The following MAP2K5 variants were observed in gnomAD, a reference collection of about 807,000 sequenced individuals.
MAP2K5 encodes the protein mitogen-activated protein kinase kinase 5.
Under a neutral mutation model 83.1 loss-of-function variants are expected in MAP2K5, and 49 were observed. The ratio of observed to expected loss-of-function variants is 0.59; its 90% CI spans 0.47 to 0.75. The LOEUF is 0.75. Among genes scored for constraint, MAP2K5 ranks in the 30% least tolerant of loss-of-function variants. The pLI is 0.00. For missense variants in MAP2K5, 457 were observed against 557.5 expected, an observed-to-expected ratio of 0.82 and a Z score of 1.82; for synonymous variants, 202 against 191.8, an observed-to-expected ratio of 1.05 and a Z score of -0.44.
chr15:67,672,281 A>T (rs1409799087), intron 13 of MAP2K5, among the ~76,000 whole-genome samples: 3 of 151,652 alleles, frequency 2.0e-5, no homozygotes, highest in Non-Finnish European at 4.4e-5. Context: ...TCCCACCAAC[A>T]GTGTAAAAGT....
intron 16 of MAP2K5, among the ~76,000 whole-genome samples, chr15:67,727,321 C>A (rs2089119703): frequency 6.6e-6 from 1 of 152,210 alleles, no homozygotes; most frequent in African/African-American, 2.4e-5. Flanking sequence ...GAGCAGTTTA[C>A]AAATCAAGTT....
chr15:67,603,373 C>T (rs1013758835), intron 8 of MAP2K5, among the ~76,000 whole-genome samples: 11 of 152,176 alleles, frequency 7.2e-5, no homozygotes, highest in Non-Finnish European at 1.2e-4. Flanking sequence ...CTGTGTGTAA[C>T]GTTAGGAATT....
chr15:67,696,751 GCAGATCAC>G (rs1192512227), intron 15 of MAP2K5, among the ~76,000 whole-genome samples: 2 of 152,224 alleles, frequency 1.3e-5, no homozygotes, highest in Non-Finnish European at 2.9e-5. Flanking sequence ...GCCAAGGCAG[GCAGATCAC>G]CTGAGGTCAG....
At chr15:67,711,665 G>A (rs573247096) in intron 16 of MAP2K5, among the ~76,000 whole-genome samples, 18 of 62,678 alleles carry the variant, frequency 2.9e-4, no homozygotes, top group Admixed American at 1.7e-3. Flanking sequence ...ACACACAGGC[G>A]TGCACGCACA....
chr15:67,731,754 A>G (rs2089228664), intron 17 of MAP2K5, among the ~76,000 whole-genome samples: 2 of 152,194 alleles, frequency 1.3e-5, no homozygotes, highest in South Asian at 4.1e-4. Context: ...TAGGACTTGC[A>G]GACAAATAAG....
chr15:67,746,645 C>T lies in MAP2K5; in HGVS notation c.1075-1586C>T. Among the ~76,000 whole-genome samples the T allele has an allele frequency of 6.6e-6, 1 of 152,092 alleles. No homozygotes were observed. The highest frequency in any genetic ancestry group is 1.9e-4 in the East Asian group (1 of 5,190). The stretch of plus-strand genomic sequence containing the variant: ...CTGCAGAATCTTGTCTGGAAATACT[C>T]ATGGACTGGAGAAACCAGAAGAAGC... On this transcript the variant is annotated intron_variant, in intron 17 of 21. Coordinates refer to ENST00000178640, the MANE Select transcript of MAP2K5 (RefSeq NM_145160.3). The surrounding 1 kb of genome is among the most constrained non-coding windows in gnomAD (Gnocchi z 4.1).
At chr15:67,646,143 C>T (rs2086826789) in intron 9 of MAP2K5, 88 bp from the exon 10 acceptor site, 3 of 589,196 alleles carry the variant, frequency 5.1e-6, no homozygotes, top group Non-Finnish European at 8.9e-6. Flanking sequence ...AATAAAGGAA[C>T]TACCATGTTT....
chr15:67,786,518 T>C lies in MAP2K5; in HGVS notation c.1242+13766T>C, dbSNP rs906209783. ...CTCAGGAGCAGACTAGACATGCCCA[T>C]TGGCAACATTTAGAGAAGGTAGATG... On this transcript the variant is annotated intron_variant, in intron 21 of 21. Transcript: ENST00000178640. The surrounding 1 kb of genome is among the most constrained non-coding windows in gnomAD (Gnocchi z 4.7). 1.3e-5 allele frequency among the ~76,000 whole-genome samples: 2 copies of C among 152,236 alleles called. No homozygotes were observed. The highest frequency in any genetic ancestry group is 1.3e-4 in the Admixed American group (2 of 15,284).
At position 67,736,326 on chromosome 15, in the gene MAP2K5, A is replaced by G. The variant is rs1310252878; in HGVS notation, c.1074+8381A>G. Among the ~76,000 whole-genome samples, 1 of 152,214 alleles carries G rather than the reference A, an allele frequency of 6.6e-6. No individual in the cohort carries two copies. Among genetic ancestry groups the G allele is most frequent in the African/African-American group, 2.4e-5 (1 of 41,450 alleles). On this transcript the variant is annotated intron_variant, in intron 17 of 21. Coordinates refer to ENST00000178640, the MANE Select transcript of MAP2K5 (RefSeq NM_145160.3). This position sits in a 1 kb window ranked among gnomAD's most constrained non-coding sequence, Gnocchi z 4.3. ...ACATGCCCCTGAGGGGTTCCCTGCC[A>G]CCCTTTATGAATTTGGCTTGGTATA...
At position 67,658,126 on chromosome 15, in the gene MAP2K5, TGCA is replaced by T. The variant is rs1280779741; in HGVS notation, c.737-426_737-424del. Among the ~76,000 whole-genome samples the T allele has an allele frequency of 2.0e-5, 3 of 152,286 alleles. No individual in the cohort carries two copies. The East Asian group carries it at 5.8e-4, about 29-fold the overall frequency. ...ATTAATGAGCAACGTAGTGGTTCTC[TGCA>T]TATATTCCAGCTTTTGTTGGATTAA... On this transcript the variant is annotated intron_variant, in intron 11 of 21. Coordinates refer to ENST00000178640, the MANE Select transcript of MAP2K5 (RefSeq NM_145160.3).
chr15:67,597,042 G>A (rs1245170470), intron 7 of MAP2K5, among the ~76,000 whole-genome samples: 1 of 151,884 alleles, frequency 6.6e-6, no homozygotes, highest in Non-Finnish European at 1.5e-5. Flanking sequence ...GGTGGTGGGC[G>A]CCTGTAGTCC....
chr15:67,757,402 C>T lies in MAP2K5; in HGVS notation c.1134+8801C>T, dbSNP rs537079833. ...CCCTTTATGTTGCTCAAAAACCCAA[C>T]CTATAAAATAGATGAACATGAAGCT... On this transcript the variant is annotated intron_variant, in intron 19 of 21. Transcript: ENST00000178640. This position sits in a 1 kb window ranked among gnomAD's most constrained non-coding sequence, Gnocchi z 4.9. Among the ~76,000 whole-genome samples, 2 of 152,242 alleles carry T rather than the reference C, an allele frequency of 1.3e-5. No individual in the cohort carries two copies. Among genetic ancestry groups the T allele is most frequent in the South Asian group, 4.2e-4 (2 of 4,818 alleles).
rs995996054 is a variant in MAP2K5, at chr15:67,640,456, A to G, written c.586-5775A>G. The G allele has an allele frequency of 2.9e-5, 8 of 272,614 alleles. No homozygotes were observed. The highest frequency in any genetic ancestry group is 1.1e-4 in the African/African-American group (5 of 43,688). 16.9% of individuals were successfully genotyped at this position (272,614 alleles called of 1,614,324 possible). A position where few individuals can be genotyped will look rare whatever the true frequency, so the allele number is the denominator to read the frequency against. Reference sequence around the variant, plus strand: ...CTCTCCTGACTTTTGTGTGACTTCAAGCATGTCACTTGAACCTCCCAGTGA... The same window carrying G: ...CTCTCCTGACTTTTGTGTGACTTCAGGCATGTCACTTGAACCTCCCAGTGA... On this transcript the variant is annotated intron_variant, in intron 9 of 21. Transcript: ENST00000178640. The surrounding 1 kb of genome is among the most constrained non-coding windows in gnomAD (Gnocchi z 4.6).
rs951248405 is a variant in MAP2K5, at chr15:67,607,003, TTGTGGCTG to T, written c.545+6258_545+6265del. On this transcript the variant is annotated intron_variant, in intron 8 of 21. Coordinates refer to ENST00000178640, the MANE Select transcript of MAP2K5 (RefSeq NM_145160.3). ...GCAAGAGGTCTGGACCCAGCTTCGC[TTGTGGCTG>T]TGTTAGTGGCCCTACTCCTTTATAT... Among the ~76,000 whole-genome samples the T allele has an allele frequency of 5.1e-4, 78 of 152,354 alleles. 2 individuals are homozygous for T. The highest frequency in any genetic ancestry group is 4.7e-3 in the Admixed American group (72 of 15,300).
chr15:67,620,207 C>T (rs2086149939), intron 8 of MAP2K5, among the ~76,000 whole-genome samples: 1 of 152,020 alleles, frequency 6.6e-6, no homozygotes, highest in African/African-American at 2.4e-5. Context: ...GCCATCTCTA[C>T]TAAAAATACA....
At position 67,793,308 on chromosome 15, in the gene MAP2K5, T is replaced by C. The variant is rs1467765130; in HGVS notation, c.1243-13338T>C. Among the ~76,000 whole-genome samples the C allele has an allele frequency of 6.6e-6, 1 of 152,144 alleles. No homozygotes were observed. The highest frequency in any genetic ancestry group is 2.4e-5 in the African/African-American group (1 of 41,426). On this transcript the variant is annotated intron_variant, in intron 21 of 21. Coordinates refer to ENST00000178640, the MANE Select transcript of MAP2K5 (RefSeq NM_145160.3). This position sits in a 1 kb window ranked among gnomAD's most constrained non-coding sequence, Gnocchi z 4.6. The stretch of plus-strand genomic sequence containing the variant: ...AAAAAAAAACAAAAAATTCTTTAGC[T>C]CATTATTATGGACATTGTCTATTTG...
chr15:67,585,746 C>T, intron 4 of MAP2K5, 144 bp from the exon 5 acceptor site: 1 of 654,494 alleles, frequency 1.5e-6, no homozygotes, highest in Non-Finnish European at 2.8e-6. Context: ...TTCATAATTC[C>T]CACTTTGGGT....
At chr15:67,788,994 A>C (rs1053457514) in intron 21 of MAP2K5, among the ~76,000 whole-genome samples, 2 of 151,694 alleles carry the variant, frequency 1.3e-5, no homozygotes, top group African/African-American at 4.8e-5. Context: ...AAAAAATTAC[A>C]CAGTACAGAA....
chr15:67,667,733 G>C (rs965256158), intron 13 of MAP2K5, among the ~76,000 whole-genome samples: 1 of 152,138 alleles, frequency 6.6e-6, no homozygotes, highest in African/African-American at 2.4e-5. Flanking sequence ...AGTATCTAAT[G>C]AGAAAAGAGA....
Sources: gnomAD v4.1 joint callset for allele counts (sites outside exome capture counted in the v4.1 genomes callset) on GRCh38, gnomAD v4.1.1 for gene constraint, Gnocchi (gnomAD v3.1) non-coding constraint, MANE v1.5 for transcripts, NCBI Gene and HGNC (gene_info 2026-07-23, HGNC 2026-07-21) for gene names.